Variants in PLEC observed in about 807,000 individuals in gnomAD.
PLEC encodes plectin, also known as hemidesmosomal protein 1.
A neutral mutation model predicts 392.8 loss-of-function variants in PLEC; 216 were observed. The observed-to-expected ratio is 0.55, with a 90% CI of 0.49 to 0.62. PLEC has a LOEUF of 0.62. PLEC is among the 20% of genes least tolerant of loss of function. The probability of loss-of-function intolerance (pLI) is 0.00; values close to 1 mark genes in which losing one functional copy is unlikely to be tolerated. For synonymous variants in PLEC, 3,621 were observed against 2,980.6 expected (o/e 1.21, Z -7.00); for missense variants, 6,863 against 6,563.4 (o/e 1.05, Z -1.58).
At position 143,920,241 on chromosome 8, in the gene PLEC, C is replaced by T. The variant is rs529809254; in HGVS notation, c.9580G>A (p.Glu3194Lys). The stretch of plus-strand genomic sequence containing the variant: ...TCGGGCCGGCACCGCTGCTGGAGCT[C>T]GCCGTAGGTGGCCGGCTCCCCTGTG... ...PSTGEPATYG[E>K]LQQRCRPDQL... Residue 3194 changes from glutamate (E) to lysine (K), a missense_variant, in exon 32 of 32, where the codon GAG (glutamate) becomes AAG (lysine). Physicochemically the swap from Glu to Lys is moderately conservative, Grantham distance 56. Transcript: ENST00000345136. The T allele has an allele frequency of 7.2e-5, 116 of 1,601,962 alleles. No homozygotes were observed. The highest frequency in any genetic ancestry group is 7.0e-5 in the Non-Finnish European group (83 of 1,178,572).
upstream of PLEC, chr8:143,953,776 G>A (rs1554738206): frequency 6.2e-7 from 1 of 1,612,132 alleles, no homozygotes; most frequent in South Asian, 1.1e-5. Context: ...GTCCATGTCT[G>A]CGCCGGGGCT....
rs375064227 is a variant in PLEC at position 143,924,277 on chromosome 8, G to A, written c.5652C>T (p.Ala1884=). The part of the protein sequence containing the change: ...AFQRRRLEEQ[A]AQHKADIEER... ...CCTCGATGTCAGCCTTGTGTTGCGC[G>A]GCCTGCTCCTCCAGCCGCCGCCGCT... is the stretch of plus-strand genomic sequence containing the variant. Residue 1884 remains alanine, a synonymous_variant, in exon 31 of 32, where the codon GCC becomes GCT. Transcript: ENST00000345136. The A allele has an allele frequency of 7.4e-5, 118 of 1,596,288 alleles. 1 individual carries two copies. The highest frequency in any genetic ancestry group is 6.0e-4 in the East Asian group (27 of 44,660).
rs1554671453 is a variant in PLEC, at chr8:143,917,215, C to T, written c.12606G>A (p.Gln4202=). 1.2e-6 allele frequency: 2 copies of T among 1,612,930 alleles called. No homozygotes were observed. Among genetic ancestry groups the T allele is most frequent in the South Asian group, 2.2e-5 (2 of 91,096 alleles). ...SMIIDRRSGR[Q]YDIDDAIAKN... is the part of the protein sequence containing the mutation. ...TGGCGATGGCATCATCGATGTCGTACTGGCGCCCGGAGCGGCGGTCGATGA... is the reference window on the plus strand; with the variant it reads ...TGGCGATGGCATCATCGATGTCGTATTGGCGCCCGGAGCGGCGGTCGATGA... Residue 4202 remains glutamine (Q), a synonymous_variant, in exon 32 of 32, where the codon CAG becomes CAA. Transcript: ENST00000345136.
At chr8:143,937,517 C>A (rs951794090) in intron 3 of PLEC, 6 of 558,936 alleles carry the variant, frequency 1.1e-5, no homozygotes, top group Admixed American at 6.0e-5. Context: ...GTGTGGAGGG[C>A]AGTGGCACTA....
At chr8:143,941,480 C>T (rs1313000905), upstream of PLEC, among the ~76,000 whole-genome samples, 3 of 152,112 alleles carry the variant, frequency 2.0e-5, no homozygotes, top group South Asian at 4.2e-4. Flanking sequence ...ACTCCAGACA[C>T]GGACTCGGGC....
chr8:143,916,311 C>A lies in PLEC; in HGVS notation c.13510G>T (p.Gly4504Cys). The A allele has an allele frequency of 6.3e-7, 1 of 1,581,702 alleles. No homozygotes were observed. The highest frequency in any genetic ancestry group is 8.6e-7 in the Non-Finnish European group (1 of 1,166,238). The change falls in exon 32 of 32, where the codon GGC (glycine) becomes TGC (cysteine). Residue 4504 changes from glycine to cysteine, a missense_variant. Transcript: ENST00000345136. The part of the protein sequence containing the change: ...RTGSRAGSRR[G>C]SFDATGSGFS... ...CCGGAGCCGGTGGCGTCAAAGCTGC[C>A]GCGGCGGGAGCCGGCCCGGGAGCCG...
Position 143,939,542 on chromosome 8 carries a change from T to C in PLEC, c.-81A>G, listed in dbSNP as rs1830018302. ...CAGCCCCGTGTGGCACACAGGCAGC[T>C]GAAGGCTGGCGGCCCCACGAGACGC... On this transcript the variant is annotated 5_prime_UTR_variant, in exon 1 of 32. Coordinates refer to ENST00000345136, the MANE Select transcript of PLEC (RefSeq NM_201384.3). 6.5e-7 allele frequency: 1 copy of C among 1,543,784 alleles called. No homozygotes were observed. The highest frequency in any genetic ancestry group is 8.7e-7 in the Non-Finnish European group (1 of 1,146,540).
In PLEC at chr8:143,933,227, C is replaced by T. The variant is rs782739981; in HGVS notation, c.1388G>A (p.Arg463Gln). The T allele has an allele frequency of 9.9e-6, 16 of 1,612,962 alleles. No individual in the cohort carries two copies. The highest frequency in any genetic ancestry group is 2.2e-5 in the South Asian group (2 of 91,084). ...GTACATCTGCTCGCCCTGCGGGTGCCGTCCATCCTTGAGGGTCTGCACGTC... is the reference window on the plus strand; with the variant it reads ...GTACATCTGCTCGCCCTGCGGGTGCTGTCCATCCTTGAGGGTCTGCACGTC... ...FNDVQTLKDGRHPQGEQMYRR... is the reference protein window; with the variant it reads ...FNDVQTLKDGQHPQGEQMYRR... The change falls in exon 13 of 32, where the codon CGG becomes CAG. Residue 463 changes from arginine (R) to glutamine (Q), a missense_variant. Arg to Gln is a conservative substitution (Grantham distance 43). Coordinates refer to ENST00000345136, the MANE Select transcript of PLEC (RefSeq NM_201384.3).
At chr8:143,950,771 C>A (rs1430471432) in exon 1 of PLEC, 2 of 1,531,880 alleles carry the variant, frequency 1.3e-6, no homozygotes, top group Non-Finnish European at 1.7e-6. Context: ...CGAGAAGGCC[C>A]GGGGCGCTGC....
upstream of PLEC, among the ~76,000 whole-genome samples, chr8:143,955,700 A>C (rs1045465582): frequency 6.6e-6 from 1 of 151,978 alleles, no homozygotes; most frequent in African/African-American, 2.4e-5. Flanking sequence ...CCTGGGCTCA[A>C]GCGATGCCCC....
At position 143,932,229 on chromosome 8, in the gene PLEC, C is replaced by A; in HGVS notation, c.1983G>T (p.Leu661=). The change falls in exon 17 of 32, where the codon CTG becomes CTT. Residue 661 remains leucine, a synonymous_variant. Transcript: ENST00000345136. ...TCTCCTTCAGCTCCAGCTCCCGCAT[C>A]AGCGCCTGGCACCAGAGCAAAGGGT... is the stretch of plus-strand genomic sequence containing the variant. The part of the protein sequence containing the change: ...MTAKKESYSA[L]MRELELKEKK... 3 of 1,612,236 alleles carry A rather than the reference C, an allele frequency of 1.9e-6. No individual in the cohort carries two copies. Among genetic ancestry groups the A allele is most frequent in the Non-Finnish European group, 2.5e-6 (3 of 1,179,890 alleles).
At chr8:143,944,037 G>T (rs1476761315), upstream of PLEC, 3 of 1,269,354 alleles carry the variant, frequency 2.4e-6, no homozygotes, top group Non-Finnish European at 3.2e-6. Flanking sequence ...CCCCATACGC[G>T]GCGGCAGCCC....
intron 12 of PLEC, 41 bp downstream of exon 12, chr8:143,933,957 C>G (rs373274697): frequency 6.5e-7 from 1 of 1,533,952 alleles, no homozygotes; most frequent in Non-Finnish European, 8.9e-7. Context: ...CAGGCTCCTC[C>G]GGCCTCCCTC....
At position 143,920,261 on chromosome 8, in the gene PLEC, C is replaced by T. The variant is rs782691999; in HGVS notation, c.9560G>A (p.Gly3187Glu). 6 of 1,597,416 alleles carry T rather than the reference C, an allele frequency of 3.8e-6. No homozygotes were observed. The South Asian group carries it at 4.4e-5, about 12-fold the overall frequency. The part of the protein sequence containing the change: ...DAKAYSDPST[G>E]EPATYGELQQ... ...GAGCTCGCCGTAGGTGGCCGGCTCC[C>T]CTGTGCTGGGGTCACTGTAGGCCTT... Residue 3187 changes from glycine (G) to glutamate (E), a missense_variant, in exon 32 of 32, where the codon GGG (glycine) becomes GAG (glutamate). Gly to Glu is a moderately conservative substitution (Grantham distance 98, BLOSUM62 -2). Transcript: ENST00000345136.
At chr8:143,935,338 G>A (rs1554722312) in intron 6 of PLEC, 25 bp from the exon 7 acceptor site, 3 of 1,544,790 alleles carry the variant, frequency 1.9e-6, no homozygotes, top group East Asian at 2.3e-5. Flanking sequence ...TGGCTGGTCA[G>A]GTGGGTGGGA....
intron 1 of PLEC, among the ~76,000 whole-genome samples, chr8:143,959,800 T>C (rs12548970): frequency 6.7e-6 from 1 of 149,202 alleles, no homozygotes; most frequent in African/African-American, 2.5e-5. Context: ...ATTGAGACCA[T>C]CCTGGCTAAC....
At chr8:143,937,681 C>T (rs561164321) in intron 3 of PLEC, 98 of 490,016 alleles carry the variant, frequency 2.0e-4, no homozygotes, top group Non-Finnish European at 3.6e-4. Flanking sequence ...CACCAGCCCC[C>T]AGAAAGCCGG....
Position 143,916,188 on chromosome 8 carries a change from C to G in PLEC, c.13633G>C (p.Ala4545Pro), listed in dbSNP as rs540887940. Residue 4545 changes from alanine to proline, a missense_variant, in exon 32 of 32, where the codon GCC (alanine) becomes CCC (proline). Ala to Pro is a conservative substitution (Grantham distance 27). Coordinates refer to ENST00000345136, the MANE Select transcript of PLEC (RefSeq NM_201384.3). ...SSASLGGPES[A>P]VA ...GGGCGCAGGCAGCCTCAGGCCACGG[C>G]AGACTCAGGGCCCCCCAGGGAGGCC... The G allele has an allele frequency of 1.9e-5, 29 of 1,540,638 alleles. No homozygotes were observed. The highest frequency in any genetic ancestry group is 2.5e-5 in the Non-Finnish European group (29 of 1,143,234).
upstream of PLEC, chr8:143,958,497 C>A: frequency 3.1e-6 from 1 of 322,810 alleles, no homozygotes; most frequent in South Asian, 2.2e-5. The surrounding 1 kb of genome is among the most constrained non-coding windows in gnomAD (Gnocchi z 4.9). Flanking sequence ...CCAAATATCT[C>A]TCAAACCTGT....
Sources: allele counts gnomAD v4.1 joint callset (sites outside exome capture counted in the v4.1 genomes callset), GRCh38; gene constraint gnomAD v4.1.1; non-coding constraint Gnocchi (gnomAD v3.1); transcripts MANE v1.5; gene names NCBI Gene and HGNC (gene_info 2026-07-23, HGNC 2026-07-21).